The following ABCA13 variants were observed in gnomAD, a reference collection of about 807,000 sequenced individuals.
ABCA13 encodes the protein ATP-binding cassette sub-family A member 13.
In ABCA13, 476 loss-of-function variants were observed where a neutral mutation model predicts 478.7. The ratio of observed to expected loss-of-function variants is 0.99; its 90% CI spans 0.92 to 1.07. The LOEUF is 1.07. ABCA13 is among the 50% of genes least tolerant of loss of function. ABCA13 has a pLI of 0.00. For missense variants in ABCA13, 6,060 were observed against 5,910.6 expected, an observed-to-expected ratio of 1.03 and a Z score of -0.83; for synonymous variants, 2,252 against 2,158.9, an observed-to-expected ratio of 1.04 and a Z score of -1.20.
At chr7:48,454,712 G>T (rs1055225243) in intron 42 of ABCA13, among the ~76,000 whole-genome samples, 16 of 152,168 alleles carry the variant, frequency 1.1e-4, no homozygotes, top group Admixed American at 1.0e-3. Context: ...GAACAGAGAG[G>T]AAAAGGATGG....
chr7:48,299,223 G>A (rs540335182), intron 23 of ABCA13, among the ~76,000 whole-genome samples: 1 of 152,164 alleles, frequency 6.6e-6, no homozygotes, highest in Non-Finnish European at 1.5e-5. Context: ...AGTAGTAACC[G>A]TGGAGCTGAC....
At chr7:48,219,648 C>G (rs900887502) in intron 4 of ABCA13, 143 bp downstream of exon 4, 101 of 1,106,548 alleles carry the variant, frequency 9.1e-5, no homozygotes, top group Admixed American at 3.2e-4. Context: ...TGGATGAGGC[C>G]AGCACCTGCA....
At chr7:48,547,503 T>C (rs1241279556) in intron 55 of ABCA13, among the ~76,000 whole-genome samples, 3 of 151,860 alleles carry the variant, frequency 2.0e-5, no homozygotes, top group Non-Finnish European at 4.4e-5. Context: ...TGTAGATCTG[T>C]ATTAGATGGG....
chr7:48,294,607 C>A (rs567081985), intron 20 of ABCA13, among the ~76,000 whole-genome samples: 1 of 151,398 alleles, frequency 6.6e-6, no homozygotes, highest in African/African-American at 2.4e-5. Flanking sequence ...CCACCGCGCC[C>A]GGCTAATTTT....
chr7:48,546,075 A>T (rs936644727), intron 55 of ABCA13, among the ~76,000 whole-genome samples: 2 of 151,852 alleles, frequency 1.3e-5, no homozygotes, highest in East Asian at 1.9e-4. Context: ...TGAAACCAAG[A>T]ATTCCAAAAA....
chr7:48,257,807 A>G (rs1166962867), intron 15 of ABCA13, among the ~76,000 whole-genome samples: 2 of 152,180 alleles, frequency 1.3e-5, no homozygotes, highest in African/African-American at 2.4e-5. Context: ...TATCAGGATG[A>G]TGCTAGGCTC....
chr7:48,376,958 G>T (rs1813579680), intron 35 of ABCA13, among the ~76,000 whole-genome samples: 1 of 152,136 alleles, frequency 6.6e-6, no homozygotes, highest in Admixed American at 6.5e-5. Flanking sequence ...CACTCCTAGT[G>T]GGGATCTAGG....
At chr7:48,457,186 G>T (rs1490305659) in intron 43 of ABCA13, among the ~76,000 whole-genome samples, 1 of 151,774 alleles carries the variant, frequency 6.6e-6, no homozygotes, top group Non-Finnish European at 1.5e-5. Flanking sequence ...TTAATAGGCA[G>T]CTCTTTGATT....
In ABCA13 at chr7:48,545,976, A is replaced by G. The variant is rs751438876; in HGVS notation, c.14354+17631A>G. On this transcript the variant is annotated intron_variant, in intron 55 of 61. Coordinates refer to ENST00000435803, the MANE Select transcript of ABCA13 (RefSeq NM_152701.5). ...AAGAAATAATAGGTGAGGATTTTCTAGTGTTAAGACTGTTGCTTCCTTCAA... is the reference window on the plus strand; with the variant it reads ...AAGAAATAATAGGTGAGGATTTTCTGGTGTTAAGACTGTTGCTTCCTTCAA... 2.8e-4 allele frequency among the ~76,000 whole-genome samples: 43 copies of G among 151,964 alleles called. 1 individual carries two copies. The highest frequency in any genetic ancestry group is 5.9e-4 in the Non-Finnish European group (40 of 67,824).
intron 8 of ABCA13, among the ~76,000 whole-genome samples, chr7:48,237,326 C>T (rs1790119044): frequency 6.6e-6 from 1 of 152,126 alleles, no homozygotes; most frequent in African/African-American, 2.4e-5. Flanking sequence ...CTCTCATAAT[C>T]TTAATCTTGT....
chr7:48,569,103 T>G (rs1235535661), intron 55 of ABCA13, among the ~76,000 whole-genome samples: 1 of 152,068 alleles, frequency 6.6e-6, no homozygotes, highest in Non-Finnish European at 1.5e-5. Context: ...TATTATTTCT[T>G]CCCTATTTTA....
chr7:48,495,740 C>T (rs139689467), intron 48 of ABCA13, among the ~76,000 whole-genome samples: 23 of 152,142 alleles, frequency 1.5e-4, no homozygotes, highest in Admixed American at 4.6e-4. Flanking sequence ...CTGAGGTACA[C>T]GTCAAATGTG....
At chr7:48,619,076 A>C (rs1792878609) in intron 59 of ABCA13, among the ~76,000 whole-genome samples, 1 of 152,232 alleles carries the variant, frequency 6.6e-6, no homozygotes, top group Non-Finnish European at 1.5e-5. Flanking sequence ...CCCACTTTGC[A>C]GAGGAAGGCA....
chr7:48,231,153 C>T (rs1273664305), intron 7 of ABCA13, among the ~76,000 whole-genome samples: 1 of 150,592 alleles, frequency 6.6e-6, no homozygotes, highest in African/African-American at 2.4e-5. Flanking sequence ...GCACTTGTAT[C>T]CCGGAACTTA....
At chr7:48,225,692 C>T (rs1480370513) in intron 5 of ABCA13, among the ~76,000 whole-genome samples, 5 of 151,938 alleles carry the variant, frequency 3.3e-5, no homozygotes, top group Admixed American at 6.6e-5. Flanking sequence ...GATGTCTGTT[C>T]GTGATTGCAT....
chr7:48,483,666 G>A (rs1271960508), intron 47 of ABCA13, among the ~76,000 whole-genome samples: 3 of 152,168 alleles, frequency 2.0e-5, no homozygotes, highest in African/African-American at 7.2e-5. Context: ...GAGACTAGGT[G>A]GGAGATTCTT....
intron 55 of ABCA13, among the ~76,000 whole-genome samples, chr7:48,578,806 G>A (rs1024716922): frequency 1.9e-4 from 29 of 152,138 alleles, no homozygotes; most frequent in African/African-American, 6.8e-4. Context: ...TACTATAAAA[G>A]CACAGTAATT....
intron 15 of ABCA13, among the ~76,000 whole-genome samples, chr7:48,268,492 T>C (rs1439606458): frequency 6.6e-6 from 1 of 152,166 alleles, no homozygotes; most frequent in African/African-American, 2.4e-5. Flanking sequence ...TCTTCCATGG[T>C]CTCAGGTAGT....
At chr7:48,435,380 T>C (rs1822695146) in intron 42 of ABCA13, among the ~76,000 whole-genome samples, 1 of 151,938 alleles carries the variant, frequency 6.6e-6, no homozygotes, top group Non-Finnish European at 1.5e-5. Flanking sequence ...GTGAATTTGT[T>C]TATGAGTACT....
Sources: gnomAD v4.1 joint callset for allele counts (sites outside exome capture counted in the v4.1 genomes callset) on GRCh38, gnomAD v4.1.1 for gene constraint, MANE v1.5 for transcripts, NCBI Gene and HGNC (gene_info 2026-07-23, HGNC 2026-07-21) for gene names.